PTPRN2: variants seen among roughly 807,000 people sequenced by gnomAD.
PTPRN2 encodes the protein protein tyrosine phosphatase receptor type N2, also known as receptor-type tyrosine-protein phosphatase N2.
In PTPRN2, 74 loss-of-function variants were observed where a neutral mutation model predicts 118.8. That is an observed-to-expected ratio of 0.62 (90% CI 0.52 to 0.76). The LOEUF (loss-of-function observed/expected upper bound fraction) is 0.76, where lower values mean the gene tolerates loss of function less well. PTPRN2 is among the 30% of genes least tolerant of loss of function. The pLI, the probability that PTPRN2 is intolerant of heterozygous loss-of-function variation, is 0.00. For synonymous variants in PTPRN2, 641 were observed against 608.0 expected (o/e 1.05, Z -0.80); for missense variants, 1,481 against 1,394.4 (o/e 1.06, Z -0.99).
intron 2 of PTPRN2, among the ~76,000 whole-genome samples, chr7:158,344,532 C>T (rs970475306): frequency 6.6e-6 from 1 of 151,330 alleles, no homozygotes; most frequent in Non-Finnish European, 1.5e-5. Context: ...ACAAGACACC[C>T]TGGAGTCTGG....
At chr7:158,584,319 A>T (rs923091854) in intron 1 of PTPRN2, among the ~76,000 whole-genome samples, 3 of 152,188 alleles carry the variant, frequency 2.0e-5, no homozygotes, top group Non-Finnish European at 2.9e-5. Flanking sequence ...AGCCCTTAAC[A>T]AAGGGCTTAT....
intron 12 of PTPRN2, among the ~76,000 whole-genome samples, chr7:157,852,810 A>G (rs765588934): frequency 3.1e-4 from 46 of 148,634 alleles, no homozygotes; most frequent in Non-Finnish European, 5.3e-4. Context: ...CAGAGGTTGC[A>G]GTGAGCCAAG....
intron 12 of PTPRN2, among the ~76,000 whole-genome samples, chr7:157,761,929 C>T (rs1416166993): frequency 2.6e-5 from 4 of 152,084 alleles, no homozygotes; most frequent in Non-Finnish European, 4.4e-5. Flanking sequence ...AAAAAGTGGG[C>T]GAAGAACATG....
rs534496052 is a variant in PTPRN2, at chr7:158,193,136, A to G, written c.381-641T>C. Among the ~76,000 whole-genome samples, 180 of 152,334 alleles carry G rather than the reference A, an allele frequency of 1.2e-3. 1 individual carries two copies. The highest frequency in any genetic ancestry group is 4.3e-3 in the African/African-American group (179 of 41,580). The stretch of plus-strand genomic sequence containing the variant: ...GCAGGGCAGGGACGCCGGAGGCTAG[A>G]AGGACAAACACATGGGACGCTTCCC... On this transcript the variant is annotated intron_variant, in intron 4 of 22. Coordinates refer to ENST00000389418, the MANE Select transcript of PTPRN2 (RefSeq NM_002847.5).
At chr7:157,816,638 CAG>C (rs1369208199) in intron 12 of PTPRN2, among the ~76,000 whole-genome samples, 1 of 152,234 alleles carries the variant, frequency 6.6e-6, no homozygotes, top group Admixed American at 6.5e-5. Context: ...GAAGCCCCCG[CAG>C]TCTACAGGCC....
At chr7:158,170,918 G>T (rs1823485947) in intron 5 of PTPRN2, among the ~76,000 whole-genome samples, 1 of 151,306 alleles carries the variant, frequency 6.6e-6, no homozygotes, top group South Asian at 2.1e-4. Context: ...AAGTGTTAAT[G>T]GCTATGACTA....
intron 12 of PTPRN2, among the ~76,000 whole-genome samples, chr7:157,761,902 A>G (rs1185584064): frequency 6.6e-6 from 1 of 152,212 alleles, no homozygotes; most frequent in Non-Finnish European, 1.5e-5. Context: ...ACAAATTTAC[A>G]AGAAAAAAAC....
intron 12 of PTPRN2, among the ~76,000 whole-genome samples, chr7:157,772,213 AC>A (rs774046539): frequency 3.8e-4 from 58 of 151,950 alleles, no homozygotes; most frequent in Non-Finnish European, 7.9e-4. Flanking sequence ...ACAGAGACAC[AC>A]ATAGACACAG....
intron 12 of PTPRN2, among the ~76,000 whole-genome samples, chr7:157,769,509 T>A (rs1267627850): frequency 1.3e-5 from 2 of 152,080 alleles, no homozygotes; most frequent in Non-Finnish European, 2.9e-5. Context: ...ACAGATAGGA[T>A]TTTGGAATTC....
chr7:157,644,055 C>T (rs1355756451), intron 14 of PTPRN2, among the ~76,000 whole-genome samples: 6 of 152,250 alleles, frequency 3.9e-5, no homozygotes, highest in Non-Finnish European at 5.9e-5. Context: ...GTCCCTGTTA[C>T]GGGCTGAACC....
intron 9 of PTPRN2, among the ~76,000 whole-genome samples, chr7:158,132,191 C>T (rs922971333): frequency 2.6e-5 from 4 of 151,304 alleles, no homozygotes; most frequent in South Asian, 2.1e-4. Context: ...TACACACACA[C>T]GCACAGATAC....
intron 11 of PTPRN2, among the ~76,000 whole-genome samples, chr7:158,079,509 G>A (rs1202666460): frequency 6.6e-6 from 1 of 152,180 alleles, no homozygotes; most frequent in Non-Finnish European, 1.5e-5. Context: ...TGAGTATATT[G>A]TTATGATTTT....
intron 2 of PTPRN2, among the ~76,000 whole-genome samples, chr7:158,447,929 C>T (rs373122619): frequency 8.5e-5 from 13 of 152,212 alleles, no homozygotes; most frequent in Non-Finnish European, 1.3e-4. Flanking sequence ...CCCAGCCACA[C>T]GGCACAGGGC....
Position 157,779,962 on chromosome 7 carries a change from A to G in PTPRN2, c.1789-97025T>C, listed in dbSNP as rs76280581. Among the ~76,000 whole-genome samples, 833 of 152,334 alleles carry G rather than the reference A, an allele frequency of 5.5e-3. 5 individuals are homozygous for G. Among genetic ancestry groups the G allele is most frequent in the African/African-American group, 0.019 (805 of 41,576 alleles). ...TCAGACTGCTGTGTCCACACGGGTT[A>G]ATAAAAATGCTGACCCCAGTTCCCA... On this transcript the variant is annotated intron_variant, in intron 12 of 22. Coordinates refer to ENST00000389418, the MANE Select transcript of PTPRN2 (RefSeq NM_002847.5). The surrounding 1 kb of genome is among the most constrained non-coding windows in gnomAD (Gnocchi z 4.7).
At chr7:158,370,441 T>G (rs888076846) in intron 2 of PTPRN2, among the ~76,000 whole-genome samples, 24 of 116,000 alleles carry the variant, frequency 2.1e-4, no homozygotes, top group Admixed American at 4.3e-4. Context: ...ATCTCAAAAA[T>G]AAAAAGAAAA....
intron 11 of PTPRN2, among the ~76,000 whole-genome samples, chr7:158,026,790 A>C (rs1052149956): frequency 6.6e-6 from 1 of 152,138 alleles, no homozygotes; most frequent in Non-Finnish European, 1.5e-5. Flanking sequence ...CCCTCCACGT[A>C]TACCGTGACA....
At chr7:158,108,415 C>A (rs1184779925) in intron 10 of PTPRN2, among the ~76,000 whole-genome samples, 1 of 152,192 alleles carries the variant, frequency 6.6e-6, no homozygotes, top group Admixed American at 6.5e-5. Context: ...ACTCTACATA[C>A]TGGGTCCCTA....
intron 12 of PTPRN2, among the ~76,000 whole-genome samples, chr7:157,688,317 G>C (rs982040093): frequency 6.6e-6 from 1 of 152,204 alleles, no homozygotes; most frequent in African/African-American, 2.4e-5. Flanking sequence ...TGTGTTTTAA[G>C]ACATCAGGGA....
At chr7:158,277,574 G>A (rs1462883039) in intron 3 of PTPRN2, among the ~76,000 whole-genome samples, 3 of 152,148 alleles carry the variant, frequency 2.0e-5, no homozygotes, top group Non-Finnish European at 4.4e-5. Flanking sequence ...CAGCTCCCGA[G>A]GCCTGCCAGA....
Sources: gnomAD v4.1 joint callset for allele counts (sites outside exome capture counted in the v4.1 genomes callset) on GRCh38, gnomAD v4.1.1 for gene constraint, Gnocchi (gnomAD v3.1) non-coding constraint, MANE v1.5 for transcripts, NCBI Gene and HGNC (gene_info 2026-07-23, HGNC 2026-07-21) for gene names.